The following ACSBG1 variants were observed in gnomAD, a reference collection of about 807,000 sequenced individuals.
ACSBG1 encodes the protein long-chain-fatty-acid--CoA ligase ACSBG1.
In ACSBG1, 39 loss-of-function variants were observed where a neutral mutation model predicts 80.2. The observed-to-expected ratio is 0.49, with a 90% CI of 0.38 to 0.64. The LOEUF is 0.64. ACSBG1 is among the 30% of genes least tolerant of loss of function. The probability of loss-of-function intolerance (pLI) is 0.00; values close to 1 mark genes in which losing one functional copy is unlikely to be tolerated. For synonymous variants in ACSBG1, 392 were observed against 379.5 expected (o/e 1.03, Z -0.38); for missense variants, 828 against 966.4 (o/e 0.86, Z 1.90).
chr15:78,207,917 T>TGCCCCC, intron 2 of ACSBG1, 85 bp downstream of exon 2: 1 of 876,066 alleles, frequency 1.1e-6, no homozygotes. Context: ...TGTGTGGTGG[T>TGCCCCC]CCCCCACACC....
chr15:78,192,106 G>A (rs982963015), intron 5 of ACSBG1, among the ~76,000 whole-genome samples: 4 of 152,164 alleles, frequency 2.6e-5, no homozygotes, highest in Non-Finnish European at 5.9e-5. Flanking sequence ...CGCCAGCTGA[G>A]GATGAAGGCA....
In ACSBG1 at chr15:78,172,710, C is replaced by T. The variant is rs950091160; in HGVS notation, c.2089+883G>A. 4.6e-5 allele frequency among the ~76,000 whole-genome samples: 7 copies of T among 152,302 alleles called. No homozygotes were observed. Among genetic ancestry groups the T allele is most frequent in the East Asian group, 1.9e-4 (1 of 5,192 alleles). On this transcript the variant is annotated intron_variant, in intron 13 of 13. Transcript: ENST00000258873. This position sits in a 1 kb window ranked among gnomAD's most constrained non-coding sequence, Gnocchi z 4.1. ...GTAGACAATTGCATCTGGGTTCAGCCGTGATGGATTTGAGGGAATCACACT... is the reference window on the plus strand; with the variant it reads ...GTAGACAATTGCATCTGGGTTCAGCTGTGATGGATTTGAGGGAATCACACT...
chr15:78,234,240 C>T, intron 1 of ACSBG1, 131 bp downstream of exon 1: 1 of 1,316,206 alleles, frequency 7.6e-7, no homozygotes, highest in Non-Finnish European at 1.0e-6. Context: ...CGCCCAGATC[C>T]TTCCCTTCAT....
In ACSBG1 at chr15:78,172,115, C is replaced by T. The variant is rs529412329; in HGVS notation, c.2090-586G>A. On this transcript the variant is annotated intron_variant, in intron 13 of 13. Coordinates refer to ENST00000258873, the MANE Select transcript of ACSBG1 (RefSeq NM_015162.5). The surrounding 1 kb of genome is among the most constrained non-coding windows in gnomAD (Gnocchi z 4.1). ...CTGCCGACAGCCACGTAAGTGAGCG[C>T]GGAGGTGAGCCTCAGCTGCAAGTGA... Among the ~76,000 whole-genome samples, 49 of 152,300 alleles carry T rather than the reference C, an allele frequency of 3.2e-4. No homozygotes were observed. In the East Asian group the frequency reaches 5.0e-3, roughly 16 times the overall value.
At position 78,168,491 on chromosome 15, in the gene ACSBG1, A is replaced by C. The variant is rs2074777354; in HGVS notation, c.*2953T>G. 2 of 152,300 alleles carry C rather than the reference A, an allele frequency of 1.3e-5. No homozygotes were observed. Among genetic ancestry groups the C allele is most frequent in the Admixed American group, 1.3e-4 (2 of 15,284 alleles). 9.4% of individuals were successfully genotyped at this position (152,300 alleles called of 1,614,324 possible). A position where few individuals can be genotyped will look rare whatever the true frequency, so the allele number is the denominator to read the frequency against. On this transcript the variant is annotated 3_prime_UTR_variant, in exon 14 of 14. Coordinates refer to ENST00000258873, the MANE Select transcript of ACSBG1 (RefSeq NM_015162.5). ...GCAACAGAGTGAGACTCCATCTAAA[A>C]AAAAAATAATAATAAAAACAAAAAT... is the stretch of plus-strand genomic sequence containing the variant.
At chr15:78,201,644 C>G (rs956070474) in intron 2 of ACSBG1, among the ~76,000 whole-genome samples, 8 of 152,242 alleles carry the variant, frequency 5.3e-5, no homozygotes, top group Non-Finnish European at 1.0e-4. Flanking sequence ...AATCCTCCCC[C>G]TTCTTCTCAT....
intron 8 of ACSBG1, among the ~76,000 whole-genome samples, chr15:78,181,489 CTTTTTTTTT>C (rs71145901): frequency 1.2e-5 from 1 of 83,044 alleles, no homozygotes; most frequent in East Asian, 3.3e-4. Context: ...CATCAGGTTT[CTTTTTTTTT>C]TTTTTTTTTT....
chr15:78,221,778 G>A (rs1345214509), intron 1 of ACSBG1, among the ~76,000 whole-genome samples: 1 of 152,192 alleles, frequency 6.6e-6, no homozygotes, highest in East Asian at 1.9e-4. Context: ...AATAGAGAAT[G>A]TAAAATGGCG....
chr15:78,171,358 T>C lies in ACSBG1; in HGVS notation c.*86A>G. On this transcript the variant is annotated 3_prime_UTR_variant, in exon 14 of 14. Coordinates refer to ENST00000258873, the MANE Select transcript of ACSBG1 (RefSeq NM_015162.5). ...CTAACAGACTTGGCAGAAATGCCTG[T>C]GCCCAGACTGAAGAGACCTGGGGCT... 2.7e-6 allele frequency: 3 copies of C among 1,125,144 alleles called. No individual in the cohort carries two copies. Among genetic ancestry groups the C allele is most frequent in the Non-Finnish European group, 3.9e-6 (3 of 764,088 alleles). The allele number at this position is 1,125,144 out of a possible 1,614,324, so 69.7% of individuals were successfully genotyped here. A position where few individuals can be genotyped will look rare whatever the true frequency, so the allele number is the denominator to read the frequency against.
At chr15:78,190,886 A>T (rs2075051305) in intron 5 of ACSBG1, among the ~76,000 whole-genome samples, 1 of 152,154 alleles carries the variant, frequency 6.6e-6, no homozygotes, top group African/African-American at 2.4e-5. Context: ...AAGACAAAAA[A>T]GTCAGGAAAG....
chr15:78,207,439 C>T (rs938486711), intron 2 of ACSBG1, among the ~76,000 whole-genome samples: 1 of 152,106 alleles, frequency 6.6e-6, no homozygotes, highest in Non-Finnish European at 1.5e-5. Context: ...TAAAAGTGCA[C>T]AAAAGATGTA....
intron 11 of ACSBG1, among the ~76,000 whole-genome samples, chr15:78,176,639 C>G (rs1431541966): frequency 1.3e-5 from 2 of 152,084 alleles, no homozygotes; most frequent in African/African-American, 4.8e-5. Context: ...CACTAGAAAA[C>G]ATAGGCTGGA....
intron 4 of ACSBG1, 55 bp downstream of exon 4, chr15:78,193,877 A>C (rs1228423757): frequency 2.5e-6 from 4 of 1,590,394 alleles, no homozygotes; most frequent in Non-Finnish European, 3.4e-6. Context: ...ACCCTCCCCT[A>C]CCCTCTGCCC....
intron 1 of ACSBG1, among the ~76,000 whole-genome samples, chr15:78,214,694 G>C (rs1401259979): frequency 6.6e-6 from 1 of 152,138 alleles, no homozygotes; most frequent in East Asian, 1.9e-4. Context: ...GCCTGCCTCA[G>C]CTTCCCAAAG....
chr15:78,178,839 G>A lies in ACSBG1; in HGVS notation c.1485-8C>T. ...GGCACCAACTTGCCTGAGCTGGCGAGGGAGGGGCCGGGAGACTGGTCAGAG... is the reference window on the plus strand; with the variant it reads ...GGCACCAACTTGCCTGAGCTGGCGAAGGAGGGGCCGGGAGACTGGTCAGAG... On this transcript the variant is annotated splice_region_variant and splice_polypyrimidine_tract_variant and intron_variant, in intron 10 of 13. Transcript: ENST00000258873. This position sits in a 1 kb window ranked among gnomAD's most constrained non-coding sequence, Gnocchi z 4.3. 1 of 1,596,940 alleles carries A rather than the reference G, an allele frequency of 6.3e-7. No homozygotes were observed. Among genetic ancestry groups the A allele is most frequent in the African/African-American group, 1.3e-5 (1 of 74,736 alleles).
At position 78,168,231 on chromosome 15, in the gene ACSBG1, G is replaced by GT. The variant is rs1283959953; in HGVS notation, c.*3212_*3213insA. The GT allele has an allele frequency of 6.6e-6, 1 of 150,930 alleles. No homozygotes were observed. The highest frequency in any genetic ancestry group is 2.4e-5 in the African/African-American group (1 of 40,960). The allele number at this position is 150,930 out of a possible 1,614,324, so 9.3% of individuals were successfully genotyped here. A position where few individuals can be genotyped will look rare whatever the true frequency, so the allele number is the denominator to read the frequency against. Reference sequence around the variant, plus strand: ...TAGCCTCTGAGTTCAAGACCAGCCTGGGCCACATAGTGAGACCCCGTCTCT... The same window carrying GT: ...TAGCCTCTGAGTTCAAGACCAGCCTGTGGCCACATAGTGAGACCCCGTCTCT... On this transcript the variant is annotated 3_prime_UTR_variant, in exon 14 of 14. Transcript: ENST00000258873.
chr15:78,207,266 C>T (rs2075224289), intron 2 of ACSBG1, among the ~76,000 whole-genome samples: 1 of 152,158 alleles, frequency 6.6e-6, no homozygotes, highest in South Asian at 2.1e-4. Context: ...GAGGAAACAC[C>T]CACCCCCACA....
chr15:78,182,279 G>A, intron 7 of ACSBG1, 134 bp from the exon 8 acceptor site: 1 of 1,338,492 alleles, frequency 7.5e-7, no homozygotes, highest in Non-Finnish European at 1.0e-6. Flanking sequence ...AAAACCCCAG[G>A]ACAGGCCTCC....
chr15:78,193,402 G>A lies in ACSBG1; in HGVS notation c.663+104C>T, dbSNP rs28676476. ...GCATTAGAGGGTTGCCGTTGAGGAT[G>A]AGGACACTCTGGATGGAGGGCGGGA... On this transcript the variant is annotated intron_variant, in intron 5 of 13. Coordinates refer to ENST00000258873, the MANE Select transcript of ACSBG1 (RefSeq NM_015162.5). 7,667 of 1,491,520 alleles carry A rather than the reference G, an allele frequency of 5.1e-3. 244 individuals are homozygous for A. The African/African-American group carries it at 0.08, about 15-fold the overall frequency. 92.4% of individuals were successfully genotyped at this position (1,491,520 alleles called of 1,614,324 possible). A position where few individuals can be genotyped will look rare whatever the true frequency, so the allele number is the denominator to read the frequency against.
Sources: allele counts gnomAD v4.1 joint callset (sites outside exome capture counted in the v4.1 genomes callset), GRCh38; gene constraint gnomAD v4.1.1; non-coding constraint Gnocchi (gnomAD v3.1); transcripts MANE v1.5; gene names NCBI Gene and HGNC (gene_info 2026-07-23, HGNC 2026-07-21).